Variants in FOXO1 observed in about 807,000 individuals in gnomAD.
The protein encoded by FOXO1 is forkhead box O1.
In FOXO1, 6 loss-of-function variants were observed where a neutral mutation model predicts 44.1. That is an observed-to-expected ratio of 0.14 (90% CI 0.07 to 0.27). The LOEUF (loss-of-function observed/expected upper bound fraction) is 0.27. Ranked by LOEUF, FOXO1 falls within the 10% of genes least tolerant of loss-of-function variation. The pLI is 1.00. For synonymous variants in FOXO1, 380 were observed against 362.7 expected, an observed-to-expected ratio of 1.05 and a Z score of -0.54; for missense variants, 737 against 888.8, an observed-to-expected ratio of 0.83 and a Z score of 2.17.
chr13:40,563,513 A>G (rs532234815), intron 1 of FOXO1, among the ~76,000 whole-genome samples: 1 of 152,166 alleles, frequency 6.6e-6, no homozygotes, highest in South Asian at 2.1e-4. Context: ...AGCGGGGAAG[A>G]CACCACCGGA....
intron 1 of FOXO1, among the ~76,000 whole-genome samples, chr13:40,604,701 A>AT (rs891788888): frequency 3.3e-5 from 5 of 152,070 alleles, no homozygotes; most frequent in Non-Finnish European, 7.3e-5. Flanking sequence ...ACAACTCTAT[A>AT]TTTTTTTACC....
intron 1 of FOXO1, among the ~76,000 whole-genome samples, chr13:40,579,574 G>A (rs527284752): frequency 1.3e-5 from 2 of 151,942 alleles, no homozygotes; most frequent in South Asian, 2.1e-4. Context: ...CAGGAGAAGA[G>A]TGATTCTGAA....
chr13:40,590,977 GA>G (rs1454397388), intron 1 of FOXO1, among the ~76,000 whole-genome samples: 2 of 151,996 alleles, frequency 1.3e-5, no homozygotes, highest in Non-Finnish European at 2.9e-5. Flanking sequence ...CTAAAGTATT[GA>G]AAAAGAAAAA....
At chr13:40,621,150 G>A in intron 1 of FOXO1, 1 of 473,702 alleles carries the variant, frequency 2.1e-6, no homozygotes, top group Non-Finnish European at 3.9e-6. Context: ...CCCAGCGCTA[G>A]AGCATAACAG....
intron 1 of FOXO1, among the ~76,000 whole-genome samples, chr13:40,629,553 T>C (rs1876895765): frequency 6.6e-6 from 1 of 152,220 alleles, no homozygotes; most frequent in Non-Finnish European, 1.5e-5. Context: ...TTTTGGACTT[T>C]GGATTTTTTC....
At chr13:40,640,037 A>G (rs1430710469) in intron 1 of FOXO1, among the ~76,000 whole-genome samples, 1 of 152,194 alleles carries the variant, frequency 6.6e-6, no homozygotes, top group Non-Finnish European at 1.5e-5. Flanking sequence ...TTGTGACAAT[A>G]CTCAAGGTTC....
At chr13:40,566,583 T>C (rs1566062996) in intron 1 of FOXO1, among the ~76,000 whole-genome samples, 1 of 152,070 alleles carries the variant, frequency 6.6e-6, no homozygotes, top group Non-Finnish European at 1.5e-5. Context: ...TTTCACCATG[T>C]TGGCCAGGCT....
chr13:40,564,746 T>C (rs1025243198), intron 1 of FOXO1, among the ~76,000 whole-genome samples: 5 of 152,190 alleles, frequency 3.3e-5, no homozygotes, highest in African/African-American at 4.8e-5. Flanking sequence ...TGTCAATCAC[T>C]TGCCCAAATC....
At chr13:40,629,238 GT>G (rs1320287959) in intron 1 of FOXO1, among the ~76,000 whole-genome samples, 1 of 152,138 alleles carries the variant, frequency 6.6e-6, no homozygotes, top group Non-Finnish European at 1.5e-5. Context: ...CGCCTCCCGG[GT>G]TCAAGCTATT....
At chr13:40,653,908 T>C (rs910764118) in intron 1 of FOXO1, among the ~76,000 whole-genome samples, 2 of 152,088 alleles carry the variant, frequency 1.3e-5, no homozygotes. Context: ...TCTAACATAG[T>C]AAGAGTAGAG....
chr13:40,593,270 C>T lies in FOXO1; in HGVS notation c.631-32410G>A, dbSNP rs138993003. The stretch of plus-strand genomic sequence containing the variant: ...CTCGAACTCCTGGGATCAAGTGATC[C>T]GCCCACAATGGCCTCACAAAGTGCT... On this transcript the variant is annotated intron_variant, in intron 1 of 2. Transcript: ENST00000379561. Among the ~76,000 whole-genome samples the T allele has an allele frequency of 9.2e-5, 14 of 152,218 alleles. No individual in the cohort carries two copies. The East Asian group carries it at 1.9e-3, about 21-fold the overall frequency.
At chr13:40,566,971 T>G (rs1217588509) in intron 1 of FOXO1, among the ~76,000 whole-genome samples, 1 of 152,132 alleles carries the variant, frequency 6.6e-6, no homozygotes, top group Admixed American at 6.5e-5. Context: ...GGTCCCACCC[T>G]CTGCTTGCAG....
intron 1 of FOXO1, among the ~76,000 whole-genome samples, chr13:40,632,938 A>T (rs1277758479): frequency 1.3e-5 from 2 of 152,056 alleles, no homozygotes; most frequent in Non-Finnish European, 2.9e-5. Context: ...GAAAAGAAAA[A>T]AAAAGGGCGA....
chr13:40,582,123 A>C (rs898930490), intron 1 of FOXO1, among the ~76,000 whole-genome samples: 4 of 152,254 alleles, frequency 2.6e-5, no homozygotes, highest in African/African-American at 9.6e-5. Context: ...TACCACAATA[A>C]AGCAAATATC....
At position 40,665,882 on chromosome 13, in the gene FOXO1, G is replaced by C. The variant is rs1878223405; in HGVS notation, c.331C>G (p.Gln111Glu). 2.6e-6 allele frequency: 3 copies of C among 1,146,428 alleles called. No individual in the cohort carries two copies. The South Asian group carries it at 1.3e-4, about 48-fold the overall frequency. The allele number at this position is 1,146,428 out of a possible 1,614,324, so 71.0% of individuals were successfully genotyped here. Residue 111 changes from glutamine to glutamate, a missense_variant, in exon 1 of 3, where the codon CAG becomes GAG. This residue lies in a region of FOXO1 where 213 missense variants were observed against 236.4 expected (regional missense o/e 0.90). Transcript: ENST00000379561. Reference sequence around the variant, plus strand: ...TGCAGGCAGCCCGCCTCCGGGCCCTGGAAGTCCCCGCACAGCCCCCCGGTG... The same window carrying C: ...TGCAGGCAGCCCGCCTCCGGGCCCTCGAAGTCCCCGCACAGCCCCCCGGTG... Reference protein sequence around the residue: ...AATGGLCGDFQGPEAGCLHPA... With the variant: ...AATGGLCGDFEGPEAGCLHPA...
chr13:40,618,139 C>T (rs188519837), intron 1 of FOXO1, among the ~76,000 whole-genome samples: 8 of 152,226 alleles, frequency 5.3e-5, no homozygotes, highest in East Asian at 1.9e-4. Flanking sequence ...AGTGCAGTGG[C>T]GCAATCTCAG....
intron 1 of FOXO1, among the ~76,000 whole-genome samples, chr13:40,651,194 C>T (rs1877676270): frequency 6.6e-6 from 1 of 151,934 alleles, no homozygotes. Flanking sequence ...TGGCCTCAGC[C>T]TTGCGAATAG....
At chr13:40,637,996 G>A (rs2137919691) in intron 1 of FOXO1, among the ~76,000 whole-genome samples, 1 of 152,332 alleles carries the variant, frequency 6.6e-6, no homozygotes, top group African/African-American at 2.4e-5. Flanking sequence ...GCAAGCTGTA[G>A]TACACATTTT....
intron 1 of FOXO1, among the ~76,000 whole-genome samples, chr13:40,585,181 C>T (rs1485424621): frequency 1.3e-5 from 2 of 152,058 alleles, no homozygotes; most frequent in African/African-American, 2.4e-5. Context: ...GATAAAAAGC[C>T]AGTTGGTTCT....
Sources: allele counts gnomAD v4.1 joint callset (sites outside exome capture counted in the v4.1 genomes callset), GRCh38; gene constraint gnomAD v4.1.1; regional missense constraint gnomAD v4.1.1; transcripts MANE v1.5; gene names NCBI Gene and HGNC (gene_info 2026-07-23, HGNC 2026-07-21).